Variants in MYO15B observed in about 807,000 individuals in gnomAD.
The protein encoded by MYO15B is myosin XVB, also known as myosin XVB pseudogene.
Under a neutral mutation model 119.3 loss-of-function variants are expected in MYO15B, and 207 were observed. The ratio of observed to expected loss-of-function variants is 1.73; its 90% CI spans 1.55 to 1.95. The LOEUF (loss-of-function observed/expected upper bound fraction) is 1.95, where lower values mean the gene tolerates loss of function less well. Among genes scored for constraint, MYO15B ranks in the 30% most tolerant of loss-of-function variants. The probability of loss-of-function intolerance (pLI) is 0.00; values close to 1 mark genes in which losing one functional copy is unlikely to be tolerated. For missense variants in MYO15B, 2,264 were observed against 1,203.1 expected (o/e 1.88, Z -13.04); for synonymous variants, 966 against 498.9 (o/e 1.94, Z -12.48).
chr17:75,605,922 C>T (rs746433916), exon 21 of MYO15B: 1 of 702,550 alleles, frequency 1.4e-6, no homozygotes, highest in Non-Finnish European at 2.6e-6. Flanking sequence ...CAGCAGCGCT[C>T]CCAGGCCCTG....
At position 75,605,683 on chromosome 17, in the gene MYO15B, G is replaced by A. The variant is rs555267083; in HGVS notation, c.4134+62G>A. ...GAATGGGAAAGGAGAGGTGCATTCT[G>A]GGCCCAAAGGGACAAACCCAGGATT... On this transcript the variant is annotated intron_variant, in intron 20 of 63. Transcript: ENST00000645453. 4 of 689,846 alleles carry A rather than the reference G, an allele frequency of 5.8e-6. No homozygotes were observed. In the South Asian group the frequency reaches 6.0e-5, roughly 10 times the overall value. 42.7% of individuals were successfully genotyped at this position (689,846 alleles called of 1,614,324 possible). A position where few individuals can be genotyped will look rare whatever the true frequency, so the allele number is the denominator to read the frequency against.
At chr17:75,600,318 C>T (rs575336538) in intron 14 of MYO15B, among the ~76,000 whole-genome samples, 5 of 151,834 alleles carry the variant, frequency 3.3e-5, no homozygotes, top group Non-Finnish European at 5.9e-5. Flanking sequence ...TGAGCCACCG[C>T]GTCCGGCCTA....
intron 2 of MYO15B, 96 bp downstream of exon 2, chr17:75,590,785 C>T (rs894041901): frequency 2.1e-5 from 4 of 191,528 alleles, no homozygotes; most frequent in Non-Finnish European, 3.2e-5. Context: ...CCTTCCTCTT[C>T]CTCCCCGGGC....
intron 33 of MYO15B, 99 bp downstream of exon 33, chr17:75,615,141 C>G (rs749339049): frequency 7.4e-6 from 5 of 677,388 alleles, no homozygotes; most frequent in Non-Finnish European, 1.4e-5. Context: ...ATGCCCTGGC[C>G]AGCACCCCGG....
exon 13 of MYO15B, chr17:75,596,495 C>T: frequency 2.8e-6 from 2 of 703,046 alleles, no homozygotes; most frequent in Non-Finnish European, 5.2e-6. Context: ...AACTGTGCAA[C>T]AACCTCGCCA....
chr17:75,614,850 G>A lies in MYO15B; in HGVS notation c.5559+1G>A, dbSNP rs1213287394. 1.0e-5 allele frequency: 7 copies of A among 702,710 alleles called. No individual in the cohort carries two copies. Among genetic ancestry groups the A allele is most frequent in the Admixed American group, 4.0e-5 (2 of 50,000 alleles). 43.5% of individuals were successfully genotyped at this position (702,710 alleles called of 1,614,324 possible). A position where few individuals can be genotyped will look rare whatever the true frequency, so the allele number is the denominator to read the frequency against. ...GCCAGTGATATCCTCCGGCCTCAGC[G>A]TGAGTCGGGCACAGCCCCCAAATGC... is the stretch of plus-strand genomic sequence containing the variant. On this transcript the variant is annotated splice_donor_variant, in intron 32 of 63. Coordinates refer to ENST00000645453, the Ensembl canonical transcript of MYO15B. LOFTEE classifies it high-confidence loss of function.
rs2056849625 is a variant in MYO15B at position 75,596,249 on chromosome 17, G to A, written c.3298-211G>A. 7 of 578,596 alleles carry A rather than the reference G, an allele frequency of 1.2e-5. No homozygotes were observed. In the South Asian group the frequency reaches 1.3e-4, roughly 10 times the overall value. 35.8% of individuals were successfully genotyped at this position (578,596 alleles called of 1,614,324 possible). A position where few individuals can be genotyped will look rare whatever the true frequency, so the allele number is the denominator to read the frequency against. On this transcript the variant is annotated intron_variant, in intron 12 of 63. Coordinates refer to ENST00000645453, the Ensembl canonical transcript of MYO15B. ...GCTCGCAGGAGTGCTGCAGCAGAGG[G>A]CAGGGGTGTGGGCAGCTAGAGGGAC...
chr17:75,591,306 G>C (rs964495687), intron 4 of MYO15B, 60 bp downstream of exon 4: 1 of 691,704 alleles, frequency 1.4e-6, no homozygotes, highest in East Asian at 2.7e-5. Context: ...TTGATGGGGC[G>C]GGGCCTGAGG....
In MYO15B at chr17:75,613,283, C is replaced by T. The variant is rs528232875; in HGVS notation, c.4968-10C>T. The T allele has an allele frequency of 1.8e-4, 118 of 667,326 alleles. 2 individuals carry two copies. The East Asian group carries it at 2.5e-3, about 14-fold the overall frequency. 41.3% of individuals were successfully genotyped at this position (667,326 alleles called of 1,614,324 possible). A position where few individuals can be genotyped will look rare whatever the true frequency, so the allele number is the denominator to read the frequency against. On this transcript the variant is annotated splice_polypyrimidine_tract_variant and intron_variant, in intron 27 of 63. Transcript: ENST00000645453. ...CCCTGCCTCCACTGCAGCCTGTGCC[C>T]GCCCTGCAGGTTCGTGTCTGACCAG... is the stretch of plus-strand genomic sequence containing the variant.
At chr17:75,600,904 A>ATT (rs540929270) in intron 14 of MYO15B, among the ~76,000 whole-genome samples, 6 of 113,564 alleles carry the variant, frequency 5.3e-5, no homozygotes, top group Non-Finnish European at 7.1e-5. Flanking sequence ...CTAATTTTTA[A>ATT]TTTTTTTTTT....
exon 60 of MYO15B, chr17:75,625,200 G>A (rs1185262179): frequency 7.1e-6 from 5 of 702,512 alleles, no homozygotes; most frequent in Non-Finnish European, 1.3e-5. Flanking sequence ...TGGCCGCCCT[G>A]CAGCACCTCA....
rs150325209 is a variant in MYO15B at position 75,598,732 on chromosome 17, A to G, written c.3525+1833A>G. Among the ~76,000 whole-genome samples, 194 of 152,288 alleles carry G rather than the reference A, an allele frequency of 1.3e-3. 2 individuals carry two copies. The highest frequency in any genetic ancestry group is 4.5e-3 in the African/African-American group (187 of 41,562). On this transcript the variant is annotated intron_variant, in intron 14 of 63. Coordinates refer to ENST00000645453, the Ensembl canonical transcript of MYO15B. ...ATACGTATGTAAAGTCTTGTACTAG[A>G]TAATTAAGAGAGTGTTAATTTCTAA...
exon 6 of MYO15B, chr17:75,592,048 C>T: frequency 2.8e-6 from 2 of 702,888 alleles, no homozygotes; most frequent in Non-Finnish European, 5.2e-6. Context: ...ATGCCAGCCG[C>T]TTCGGCCAGG....
exon 22 of MYO15B, chr17:75,610,191 G>C (rs1419533416): frequency 1.4e-6 from 1 of 701,546 alleles, no homozygotes; most frequent in Non-Finnish European, 2.6e-6. Flanking sequence ...GCGGCGGGCA[G>C]CTTTGGGACA....
chr17:75,594,101 A>AG (rs1228324684), intron 9 of MYO15B, among the ~76,000 whole-genome samples: 1 of 81,086 alleles, frequency 1.2e-5, no homozygotes, highest in Non-Finnish European at 2.8e-5. Context: ...AAAAAAAAAA[A>AG]AAAGAAAAAA....
chr17:75,594,112 A>AG (rs1485552000), intron 9 of MYO15B, among the ~76,000 whole-genome samples: 3 of 150,896 alleles, frequency 2.0e-5, no homozygotes, highest in African/African-American at 7.4e-5. Context: ...AAAGAAAAAA[A>AG]AAAATCAAAC....
In MYO15B at chr17:75,599,942, G is replaced by A. The variant is rs949299617; in HGVS notation, c.3526-1496G>A. ...AATAATGAAATAAATAAATACAAGCGCATGTGATTCTGGGACTATTCTCCC... is the reference window on the plus strand; with the variant it reads ...AATAATGAAATAAATAAATACAAGCACATGTGATTCTGGGACTATTCTCCC... On this transcript the variant is annotated intron_variant, in intron 14 of 63. Transcript: ENST00000645453. Among the ~76,000 whole-genome samples the A allele has an allele frequency of 4.9e-4, 74 of 150,250 alleles. 1 individual carries two copies. The highest frequency in any genetic ancestry group is 1.6e-4 in the Non-Finnish European group (11 of 67,738).
chr17:75,589,320 C>T lies in MYO15B; in HGVS notation c.1263C>T (p.Ser421=), dbSNP rs1421326477. 1 of 395,522 alleles carries T rather than the reference C, an allele frequency of 2.5e-6. No individual in the cohort carries two copies. The highest frequency in any genetic ancestry group is 4.5e-5 in the Admixed American group (1 of 22,462). 24.5% of individuals were successfully genotyped at this position (395,522 alleles called of 1,614,324 possible). ...AGGGGCGGGGTCATGGGAGAGGAAG[C>T]AAGGGGCGGGGCCGCGGGAAAGCGG... The change falls in exon 1 of 64, where the codon AGC becomes AGT. Residue 421 remains serine, a synonymous_variant. Coordinates refer to ENST00000645453, the Ensembl canonical transcript of MYO15B. The surrounding 1 kb of genome is among the most constrained non-coding windows in gnomAD (Gnocchi z 4.2).
chr17:75,596,356 C>T (rs1316355822), intron 12 of MYO15B, 104 bp from the exon 13 acceptor site: 1 of 658,934 alleles, frequency 1.5e-6, no homozygotes, highest in African/African-American at 1.8e-5. Context: ...CAGCATCAGC[C>T]CTGGGTATTA....
Sources: gnomAD v4.1 joint callset for allele counts (sites outside exome capture counted in the v4.1 genomes callset) on GRCh38, gnomAD v4.1.1 for gene constraint, Gnocchi (gnomAD v3.1) non-coding constraint, MANE v1.5 for transcripts, NCBI Gene and HGNC (gene_info 2026-07-23, HGNC 2026-07-21) for gene names.